The following HEATR5B variants were observed in gnomAD, a reference collection of about 807,000 sequenced individuals.
HEATR5B encodes HEAT repeat-containing protein 5B.
Under a neutral mutation model 224.1 loss-of-function variants are expected in HEATR5B, and 156 were observed. That is an observed-to-expected ratio of 0.70 (90% CI 0.61 to 0.80). The LOEUF (loss-of-function observed/expected upper bound fraction) is 0.80, where lower values mean the gene tolerates loss of function less well. HEATR5B is among the 30% of genes least tolerant of loss of function. HEATR5B has a pLI of 0.00. For synonymous variants in HEATR5B, 1,027 were observed against 893.0 expected (o/e 1.15, Z -2.68); for missense variants, 2,323 against 2,535.5 (o/e 0.92, Z 1.80).
chr2:37,063,319 A>T (rs558999326), intron 10 of HEATR5B, among the ~76,000 whole-genome samples: 94 of 152,328 alleles, frequency 6.2e-4, no homozygotes, highest in Non-Finnish European at 6.9e-4. Flanking sequence ...AGCAGAGCAA[A>T]GGCTTCGAAG....
chr2:37,051,001 A>G (rs1670506209), intron 17 of HEATR5B, among the ~76,000 whole-genome samples: 1 of 152,088 alleles, frequency 6.6e-6, no homozygotes, highest in Admixed American at 6.6e-5. Context: ...AGCCAACATC[A>G]CACCACTGCA....
At chr2:36,992,423 A>G (rs577424852) in intron 33 of HEATR5B, among the ~76,000 whole-genome samples, 12 of 152,038 alleles carry the variant, frequency 7.9e-5, no homozygotes, top group African/African-American at 2.7e-4. Context: ...TCTACAAAAA[A>G]CAAAAAAATT....
chr2:37,049,635 G>C lies in HEATR5B; in HGVS notation c.2696+18C>G. On this transcript the variant is annotated intron_variant, in intron 18 of 35. Transcript: ENST00000233099. Reference sequence around the variant, plus strand: ...CTTTGCCTACACATGAAACTTGTTAGTAAAGAAACCCACTTACTTGTCAAA... The same window carrying C: ...CTTTGCCTACACATGAAACTTGTTACTAAAGAAACCCACTTACTTGTCAAA... 6.2e-7 allele frequency: 1 copy of C among 1,603,018 alleles called. No individual in the cohort carries two copies. Among genetic ancestry groups the C allele is most frequent in the Non-Finnish European group, 8.5e-7 (1 of 1,174,994 alleles).
At chr2:37,037,159 T>TATATATATATATATA (rs1448007926) in intron 21 of HEATR5B, among the ~76,000 whole-genome samples, 16 of 139,312 alleles carry the variant, frequency 1.1e-4, no homozygotes, top group Non-Finnish European at 2.2e-4. Context: ...TATATATATA[T>TATATATATATATATA]TTTGGAGATG....
chr2:37,006,323 C>A (rs1471693606), intron 29 of HEATR5B, among the ~76,000 whole-genome samples: 1 of 152,162 alleles, frequency 6.6e-6, no homozygotes, highest in Non-Finnish European at 1.5e-5. Flanking sequence ...CTAAAAGCTT[C>A]ATTACCATGT....
intron 34 of HEATR5B, among the ~76,000 whole-genome samples, chr2:36,990,112 G>C (rs1666226526): frequency 6.6e-6 from 1 of 151,464 alleles, no homozygotes; most frequent in Admixed American, 6.6e-5. Flanking sequence ...CTACAGGCTG[G>C]TCTCGAACTC....
chr2:37,049,927 C>G (rs975984967), intron 17 of HEATR5B, 84 bp from the exon 18 acceptor site: 1 of 1,316,892 alleles, frequency 7.6e-7, no homozygotes, highest in Admixed American at 3.1e-5. Context: ...GTCTTGCTCC[C>G]TTGCCCAGGC....
At chr2:37,043,403 T>C (rs1669998107) in intron 18 of HEATR5B, among the ~76,000 whole-genome samples, 2 of 152,234 alleles carry the variant, frequency 1.3e-5, no homozygotes, top group South Asian at 4.1e-4. Flanking sequence ...ACTTTCAGAA[T>C]GGCCAAAGAA....
Position 37,070,337 on chromosome 2 carries a change from T to C in HEATR5B, c.820A>G (p.Met274Val), listed in dbSNP as rs1558374548. ...CCTCCACGCAGAAATCCTGTGGCCA[T>C]GAGTTCTAAGACTTCATCAAATGTT... ...RATFDEVLEL[M>V]ATGFLRGGSG... Residue 274 changes from methionine to valine, a missense_variant, in exon 7 of 36, where the codon ATG becomes GTG. Transcript: ENST00000233099. 6.2e-7 allele frequency: 1 copy of C among 1,614,014 alleles called. No individual in the cohort carries two copies.
intron 27 of HEATR5B, among the ~76,000 whole-genome samples, chr2:37,012,870 G>C (rs956692840): frequency 1.3e-5 from 2 of 152,188 alleles, no homozygotes; most frequent in African/African-American, 4.8e-5. Flanking sequence ...TGAGCCTCCA[G>C]CCTATTGTAA....
At chr2:37,019,493 G>A (rs1211092109) in intron 26 of HEATR5B, among the ~76,000 whole-genome samples, 10 of 145,490 alleles carry the variant, frequency 6.9e-5, no homozygotes, top group African/African-American at 1.3e-4. Flanking sequence ...GTCTCGCTCC[G>A]TTGCCCAGGC....
intron 18 of HEATR5B, among the ~76,000 whole-genome samples, chr2:37,046,639 C>CAAAAAAAAAAAAAA (rs531117028): frequency 1.1e-5 from 1 of 90,324 alleles, no homozygotes. Context: ...AACTCTGTCT[C>CAAAAAAAAAAAAAA]AAAAAAAAAA....
At position 37,003,576 on chromosome 2, in the gene HEATR5B, A is replaced by G; in HGVS notation, c.5016T>C (p.Ala1672=). ...TTCTTTTCTCTTGCAAATAATCCTGAGCAGCTCTTACTATCTGTTGTACAA... is the reference window on the plus strand; with the variant it reads ...TTCTTTTCTCTTGCAAATAATCCTGGGCAGCTCTTACTATCTGTTGTACAA... ...TGVVQQIVRA[A]QDYLQEKRNT... The change falls in exon 31 of 36, where the codon GCT becomes GCC. Residue 1672 remains alanine, a synonymous_variant. Coordinates refer to ENST00000233099, the MANE Select transcript of HEATR5B (RefSeq NM_019024.3). The G allele has an allele frequency of 1.9e-6, 3 of 1,611,340 alleles. No individual in the cohort carries two copies. In the South Asian group the frequency reaches 3.3e-5, roughly 18 times the overall value.
intron 23 of HEATR5B, 138 bp from the exon 24 acceptor site, chr2:37,028,312 AT>A (rs1056227142): frequency 4.9e-5 from 26 of 525,894 alleles, no homozygotes; most frequent in African/African-American, 2.0e-4. Flanking sequence ...AACTAGCAGA[AT>A]TTTTTTTAAA....
At chr2:37,034,038 C>T (rs1408866732) in intron 21 of HEATR5B, among the ~76,000 whole-genome samples, 1 of 152,130 alleles carries the variant, frequency 6.6e-6, no homozygotes, top group Non-Finnish European at 1.5e-5. Context: ...ATCTCCCCTT[C>T]ACAATGCCAG....
Position 37,013,779 on chromosome 2 carries a change from G to A in HEATR5B, c.4284+62C>T. The stretch of plus-strand genomic sequence containing the variant: ...AAATTTTTTTACCAACAAGAGTAGA[G>A]GAACATTTTCTCATGGATGAAGAAA... On this transcript the variant is annotated intron_variant, in intron 27 of 35. Coordinates refer to ENST00000233099, the MANE Select transcript of HEATR5B (RefSeq NM_019024.3). 4 of 1,400,486 alleles carry A rather than the reference G, an allele frequency of 2.9e-6. 1 individual carries two copies. Among genetic ancestry groups the A allele is most frequent in the African/African-American group, 1.4e-5 (1 of 69,382 alleles). The allele number at this position is 1,400,486 out of a possible 1,614,324, so 86.8% of individuals were successfully genotyped here.
chr2:37,067,759 T>C (rs1370634429), intron 8 of HEATR5B, among the ~76,000 whole-genome samples: 1 of 152,132 alleles, frequency 6.6e-6, no homozygotes, highest in Non-Finnish European at 1.5e-5. Flanking sequence ...ACAGCAGAGC[T>C]AGACTCTGTC....
In HEATR5B at chr2:37,068,524, TTA is replaced by T. The variant is rs373483993; in HGVS notation, c.1177+155_1177+156del. Reference sequence around the variant, plus strand: ...CTTTAAAAACTCTATTTCACTGTAATTATGTGATTTTAATATCAAATAAGAGT... The same window carrying T: ...CTTTAAAAACTCTATTTCACTGTAATTGTGATTTTAATATCAAATAAGAGT... On this transcript the variant is annotated intron_variant, in intron 8 of 35. Transcript: ENST00000233099. 2.8e-3 allele frequency among the ~76,000 whole-genome samples: 427 copies of T among 152,324 alleles called. 6 individuals carry two copies. The highest frequency in any genetic ancestry group is 9.8e-3 in the African/African-American group (409 of 41,574).
At chr2:36,998,239 T>C (rs1248208686) in intron 33 of HEATR5B, among the ~76,000 whole-genome samples, 1 of 152,076 alleles carries the variant, frequency 6.6e-6, no homozygotes, top group African/African-American at 2.4e-5. Flanking sequence ...AAATAAAAAG[T>C]CAATCAGAAG....
Sources: gnomAD v4.1 joint callset for allele counts (sites outside exome capture counted in the v4.1 genomes callset) on GRCh38, gnomAD v4.1.1 for gene constraint, MANE v1.5 for transcripts, NCBI Gene and HGNC (gene_info 2026-07-23, HGNC 2026-07-21) for gene names.